The following MGST1 variants were observed in gnomAD, a reference collection of about 807,000 sequenced individuals.
The protein encoded by MGST1 is microsomal glutathione S-transferase 1.
MGST1 carries 5 observed loss-of-function variants against 8.9 expected under a neutral mutation model. The observed-to-expected ratio is 0.56, with a 90% CI of 0.29 to 1.19. The LOEUF is 1.19. MGST1 is among the 50% of genes most tolerant of loss of function. The pLI is 0.08. For missense variants in MGST1, 182 were observed against 187.4 expected, an observed-to-expected ratio of 0.97 and a Z score of 0.17; for synonymous variants, 54 against 67.8, an observed-to-expected ratio of 0.80 and a Z score of 1.00.
chr12:16,512,879 C>T (rs936037841), intron 4 of MGST1, among the ~76,000 whole-genome samples: 4 of 152,084 alleles, frequency 2.6e-5, no homozygotes, highest in African/African-American at 9.7e-5. Flanking sequence ...TATAATGACA[C>T]GTTAAAATAA....
chr12:16,368,737 G>C (rs943380316), downstream of MGST1, among the ~76,000 whole-genome samples: 1 of 152,032 alleles, frequency 6.6e-6, no homozygotes, highest in African/African-American at 2.4e-5. Flanking sequence ...GCAAGCGCAG[G>C]CCCTAAGTCA....
intron 1 of MGST1, among the ~76,000 whole-genome samples, chr12:16,348,225 T>A (rs962510838): frequency 1.3e-5 from 2 of 152,210 alleles, no homozygotes; most frequent in Admixed American, 1.3e-4. Flanking sequence ...AAAATAATAC[T>A]AAATAATACT....
intron 4 of MGST1, among the ~76,000 whole-genome samples, chr12:16,452,045 A>G (rs1941133075): frequency 6.6e-6 from 1 of 151,904 alleles, no homozygotes; most frequent in Non-Finnish European, 1.5e-5. Context: ...AGGAGTGGCT[A>G]TAAAGCAATG....
chr12:16,484,810 T>C (rs1233517923), intron 4 of MGST1, among the ~76,000 whole-genome samples: 3 of 152,196 alleles, frequency 2.0e-5, no homozygotes, highest in African/African-American at 7.2e-5. Context: ...TGAGATTTGA[T>C]CAGGGACATA....
At chr12:16,414,127 G>C (rs7308282) in intron 1 of MGST1, among the ~76,000 whole-genome samples, 1 of 151,302 alleles carries the variant, frequency 6.6e-6, no homozygotes, top group Non-Finnish European at 1.5e-5. Context: ...TTGGTGCTCA[G>C]AAAGGCTCTC....
chr12:16,366,118 T>C (rs1940183583), downstream of MGST1, among the ~76,000 whole-genome samples: 1 of 152,182 alleles, frequency 6.6e-6, no homozygotes, highest in African/African-American at 2.4e-5. The surrounding 1 kb of genome is among the most constrained non-coding windows in gnomAD (Gnocchi z 4.0). Flanking sequence ...ATATTTGATA[T>C]TCATTAGTAG....
At position 16,544,536 on chromosome 12, in the gene MGST1, A is replaced by G. The variant is rs1941811962; in HGVS notation, n.483-44992A>G. ...AATTAAGTCAAACCATGCCAAGAAC[A>G]CAAAGTGCTAATCAATACAATTGGG... is the stretch of plus-strand genomic sequence containing the variant. On this transcript the variant is annotated intron_variant and non_coding_transcript_variant, in intron 4 of 4. Coordinates refer to the MGST1 transcript ENST00000538857. The surrounding 1 kb of genome is among the most constrained non-coding windows in gnomAD (Gnocchi z 4.8). Among the ~76,000 whole-genome samples, 1 of 152,114 alleles carries G rather than the reference A, an allele frequency of 6.6e-6. No homozygotes were observed. The highest frequency in any genetic ancestry group is 6.6e-5 in the Admixed American group (1 of 15,256).
At chr12:16,478,712 C>T (rs1941343335) in intron 4 of MGST1, among the ~76,000 whole-genome samples, 2 of 151,662 alleles carry the variant, frequency 1.3e-5, no homozygotes, top group African/African-American at 4.8e-5. Context: ...ATAGATTGGA[C>T]CACATGACAT....
chr12:16,569,730 T>C (rs1431749869), intron 4 of MGST1, among the ~76,000 whole-genome samples: 2 of 152,186 alleles, frequency 1.3e-5, no homozygotes, highest in African/African-American at 4.8e-5. Context: ...AAGCTTGCTA[T>C]TTATTGTTTT....
chr12:16,484,165 C>T (rs567366834), intron 4 of MGST1, among the ~76,000 whole-genome samples: 2 of 152,154 alleles, frequency 1.3e-5, no homozygotes, highest in Non-Finnish European at 2.9e-5. Context: ...CATGAGCACT[C>T]TTCAGAGTCT....
rs549228215 is a variant in MGST1, at chr12:16,547,257, C to T, written n.483-42271C>T. On this transcript the variant is annotated intron_variant and non_coding_transcript_variant, in intron 4 of 4. Coordinates refer to the MGST1 transcript ENST00000538857. The surrounding 1 kb of genome is among the most constrained non-coding windows in gnomAD (Gnocchi z 4.6). ...CAAATAATGGACCAGTTGCAAACAA[C>T]GAATAAAGAGAGGCAGCTTCATTTA... Among the ~76,000 whole-genome samples the T allele has an allele frequency of 4.6e-5, 7 of 152,134 alleles. No individual in the cohort carries two copies. Among genetic ancestry groups the T allele is most frequent in the South Asian group, 4.1e-4 (2 of 4,826 alleles).
Position 16,566,077 on chromosome 12 carries a change from T to G in MGST1, n.483-23451T>G, listed in dbSNP as rs1942601155. On this transcript the variant is annotated intron_variant and non_coding_transcript_variant, in intron 4 of 4. Transcript: ENST00000538857. The stretch of plus-strand genomic sequence containing the variant: ...TATTCAGCCATAAAAAAGAATGAAA[T>G]CCTGTCATTTGTGACCACCTGGATG... Among the ~76,000 whole-genome samples the G allele has an allele frequency of 6.8e-5, 9 of 132,094 alleles. No individual in the cohort carries two copies. In the South Asian group the frequency reaches 2.3e-3, roughly 34 times the overall value. 86.7% of individuals were successfully genotyped at this position (132,094 alleles called of 152,430 possible).
chr12:16,353,740 AAATAT>A (rs939537339), intron 1 of MGST1, among the ~76,000 whole-genome samples: 1 of 150,728 alleles, frequency 6.6e-6, no homozygotes, highest in African/African-American at 2.4e-5. Flanking sequence ...GAACTAGATA[AAATAT>A]AATATTGCAT....
chr12:16,479,551 T>TTTTTTTTA (rs1655629199), intron 4 of MGST1, among the ~76,000 whole-genome samples: 4 of 146,026 alleles, frequency 2.7e-5, no homozygotes, highest in South Asian at 2.2e-4. Flanking sequence ...TTTTTTTTTT[T>TTTTTTTTA]GAGACAGGGT....
chr12:16,494,445 G>A (rs1028415510), intron 4 of MGST1, among the ~76,000 whole-genome samples: 20 of 152,080 alleles, frequency 1.3e-4, no homozygotes, highest in African/African-American at 4.8e-4. Context: ...ATAAGTTTGA[G>A]TATGACTACC....
intron 4 of MGST1, among the ~76,000 whole-genome samples, chr12:16,578,395 G>A (rs992176564): frequency 5.3e-5 from 8 of 152,136 alleles, no homozygotes; most frequent in South Asian, 2.1e-4. Context: ...GAAAGGGGAG[G>A]GGTCAGGTAG....
chr12:16,467,198 G>A (rs576975197), intron 4 of MGST1, among the ~76,000 whole-genome samples: 9 of 152,302 alleles, frequency 5.9e-5, no homozygotes, highest in African/African-American at 2.2e-4. Flanking sequence ...TGCATTGCAT[G>A]AAAGAAAAGA....
chr12:16,485,360 T>G (rs1442430189), intron 4 of MGST1, among the ~76,000 whole-genome samples: 1 of 152,326 alleles, frequency 6.6e-6, no homozygotes, highest in East Asian at 1.9e-4. Flanking sequence ...TAAAATTACA[T>G]AGGATTTAAA....
At chr12:16,391,584 T>C (rs1940553359) in intron 1 of MGST1, among the ~76,000 whole-genome samples, 1 of 152,188 alleles carries the variant, frequency 6.6e-6, no homozygotes, top group Non-Finnish European at 1.5e-5. Flanking sequence ...GCCCACTTCT[T>C]AATGGGGTTG....
Sources: allele counts gnomAD v4.1 joint callset (sites outside exome capture counted in the v4.1 genomes callset), GRCh38; gene constraint gnomAD v4.1.1; non-coding constraint Gnocchi (gnomAD v3.1); transcripts MANE v1.5; gene names NCBI Gene and HGNC (gene_info 2026-07-23, HGNC 2026-07-21).